The following RPS6KA2 variants were observed in gnomAD, a reference collection of about 807,000 sequenced individuals.
RPS6KA2 encodes ribosomal protein S6 kinase alpha-2.
A neutral mutation model predicts 91.8 loss-of-function variants in RPS6KA2; 42 were observed. That is an observed-to-expected ratio of 0.46 (90% CI 0.36 to 0.59). RPS6KA2 has a LOEUF of 0.59. Among genes scored for constraint, RPS6KA2 ranks in the 20% least tolerant of loss-of-function variants. The pLI is 0.00. For missense variants in RPS6KA2, 798 were observed against 978.5 expected, an observed-to-expected ratio of 0.82 and a Z score of 2.46; for synonymous variants, 414 against 393.6, an observed-to-expected ratio of 1.05 and a Z score of -0.61.
rs1297407132 is a variant in RPS6KA2 at position 166,635,342 on chromosome 6, TG to T, written c.124-96559del. On this transcript the variant is annotated intron_variant, in intron 2 of 21. Coordinates refer to the RPS6KA2 transcript ENST00000503859. The surrounding 1 kb of genome is among the most constrained non-coding windows in gnomAD (Gnocchi z 4.8). ...CTGCCCTGACGGGCACTGCAGTCTC[TG>T]GGGTAGCACAGACAAGCCAGGGTGC... Among the ~76,000 whole-genome samples the T allele has an allele frequency of 6.6e-6, 1 of 152,170 alleles. No homozygotes were observed. The highest frequency in any genetic ancestry group is 1.9e-4 in the East Asian group (1 of 5,178).
chr6:166,526,315 G>A (rs1405176967), intron 3 of RPS6KA2, among the ~76,000 whole-genome samples: 1 of 126,736 alleles, frequency 7.9e-6, no homozygotes, highest in East Asian at 2.5e-4. Flanking sequence ...AAACAAAAAT[G>A]TTTCTATTCT....
intron 14 of RPS6KA2, among the ~76,000 whole-genome samples, chr6:166,432,757 G>A (rs1038977930): frequency 4.6e-5 from 7 of 152,266 alleles, no homozygotes; most frequent in African/African-American, 7.2e-5. Flanking sequence ...TTGGGAGGCC[G>A]GGGTGGGCAG....
intron 10 of RPS6KA2, among the ~76,000 whole-genome samples, chr6:166,475,999 ATCCCCAATG>A (rs1402618822): frequency 6.6e-6 from 1 of 152,138 alleles, no homozygotes; most frequent in Non-Finnish European, 1.5e-5. Context: ...AATCCCCAAT[ATCCCCAATG>A]TCTCACAATG....
chr6:166,512,793 G>A (rs1051731969), intron 3 of RPS6KA2, among the ~76,000 whole-genome samples: 5 of 152,366 alleles, frequency 3.3e-5, no homozygotes, highest in African/African-American at 1.2e-4. Context: ...TGATGTGTGT[G>A]CCACAACAAC....
At chr6:166,785,983 T>C (rs756303113) in intron 2 of RPS6KA2, among the ~76,000 whole-genome samples, 12 of 152,222 alleles carry the variant, frequency 7.9e-5, no homozygotes, top group Non-Finnish European at 1.6e-4. Context: ...ATTTTCTTTT[T>C]AAAAATCTAA....
chr6:166,486,550 C>T (rs749820015), intron 10 of RPS6KA2, among the ~76,000 whole-genome samples: 4 of 152,208 alleles, frequency 2.6e-5, no homozygotes, highest in African/African-American at 9.6e-5. Context: ...CTGGGGACAG[C>T]GCTATAAAAT....
chr6:166,599,118 T>A (rs1332498191), intron 1 of RPS6KA2, among the ~76,000 whole-genome samples: 6 of 152,202 alleles, frequency 3.9e-5, no homozygotes. Context: ...AAACAACCAC[T>A]CTTGAGGATG....
intron 2 of RPS6KA2, among the ~76,000 whole-genome samples, chr6:166,823,264 T>A (rs569687071): frequency 6.6e-6 from 1 of 152,222 alleles, no homozygotes; most frequent in Non-Finnish European, 1.5e-5. Flanking sequence ...GGAGACCACA[T>A]ATTAAATGAG....
chr6:166,525,098 G>A (rs564811506), intron 3 of RPS6KA2, among the ~76,000 whole-genome samples: 124 of 152,296 alleles, frequency 8.1e-4, no homozygotes, highest in African/African-American at 2.9e-3. Flanking sequence ...CTCTTAAGGT[G>A]CATGACCAAC....
At position 166,770,107 on chromosome 6, in the gene RPS6KA2, T is replaced by G. The variant is rs1159383423; in HGVS notation, c.123+88093A>C. ...CTACAAGGAGCAGGCCCATCTAGCC[T>G]GCTGTGACCGCTGCAGAGGCGCGGC... is the stretch of plus-strand genomic sequence containing the variant. On this transcript the variant is annotated intron_variant, in intron 2 of 21. Transcript: ENST00000503859. The surrounding 1 kb of genome is among the most constrained non-coding windows in gnomAD (Gnocchi z 5.1). Among the ~76,000 whole-genome samples, 9 of 152,178 alleles carry G rather than the reference T, an allele frequency of 5.9e-5. No homozygotes were observed.
chr6:166,675,273 G>A (rs1019261203), intron 2 of RPS6KA2, among the ~76,000 whole-genome samples: 1 of 152,108 alleles, frequency 6.6e-6, no homozygotes, highest in Non-Finnish European at 1.5e-5. Flanking sequence ...GGAGGAGGCC[G>A]GCCTCCCCTT....
chr6:166,522,998 A>T (rs1224294548), intron 3 of RPS6KA2, among the ~76,000 whole-genome samples: 1 of 152,220 alleles, frequency 6.6e-6, no homozygotes, highest in Non-Finnish European at 1.5e-5. Context: ...TTGTCAGAAA[A>T]ATCTTAAGCC....
At chr6:166,688,758 C>T (rs1789101684) in intron 2 of RPS6KA2, among the ~76,000 whole-genome samples, 1 of 152,226 alleles carries the variant, frequency 6.6e-6, no homozygotes, top group East Asian at 1.9e-4. Context: ...AGAAACCCCG[C>T]ATGGGGGCAG....
intron 2 of RPS6KA2, among the ~76,000 whole-genome samples, chr6:166,765,253 G>A (rs1032658431): frequency 2.0e-5 from 3 of 152,224 alleles, no homozygotes; most frequent in Non-Finnish European, 2.9e-5. Flanking sequence ...AAAGCCAAGT[G>A]CCATGAGAAG....
intron 1 of RPS6KA2, among the ~76,000 whole-genome samples, chr6:166,566,686 A>C (rs771913381): frequency 6.0e-4 from 91 of 152,242 alleles, no homozygotes; most frequent in Non-Finnish European, 1.0e-3. Flanking sequence ...CAAGCCTCTT[A>C]AGGGAAGCAA....
Position 166,412,655 on chromosome 6 carries a change from T to C in RPS6KA2, c.*107A>G. The C allele has an allele frequency of 8.5e-7, 1 of 1,178,518 alleles. No homozygotes were observed. The allele number at this position is 1,178,518 out of a possible 1,614,324, so 73.0% of individuals were successfully genotyped here. On this transcript the variant is annotated 3_prime_UTR_variant, in exon 21 of 21. Transcript: ENST00000265678. The surrounding 1 kb of genome is among the most constrained non-coding windows in gnomAD (Gnocchi z 4.3). ...GGACACGGCGAGGGCGGGCGCCGCC[T>C]CCCTGCTGGACTTGTGGTCACTCTG...
intron 2 of RPS6KA2, among the ~76,000 whole-genome samples, chr6:166,734,502 C>T (rs892133599): frequency 6.6e-6 from 1 of 152,198 alleles, no homozygotes; most frequent in Non-Finnish European, 1.5e-5. Flanking sequence ...TCTGTGCTCA[C>T]AAGCAGCGGC....
chr6:166,586,366 G>A, intron 1 of RPS6KA2: 1 of 1,599,518 alleles, frequency 6.3e-7, no homozygotes, highest in South Asian at 1.1e-5. Context: ...TCAACAATTG[G>A]AGGAGACTCA....
intron 10 of RPS6KA2, among the ~76,000 whole-genome samples, chr6:166,479,367 C>T (rs759473345): frequency 2.0e-5 from 3 of 152,268 alleles, no homozygotes; most frequent in Non-Finnish European, 2.9e-5. Context: ...GCAGGCGATG[C>T]TGGGGACAGG....
Sources: gnomAD v4.1 joint callset for allele counts (sites outside exome capture counted in the v4.1 genomes callset) on GRCh38, gnomAD v4.1.1 for gene constraint, Gnocchi (gnomAD v3.1) non-coding constraint, MANE v1.5 for transcripts, NCBI Gene and HGNC (gene_info 2026-07-23, HGNC 2026-07-21) for gene names.